SEC31B: variants seen among roughly 807,000 people sequenced by gnomAD.
SEC31B encodes the protein SEC31 homolog B, COPII component.
A neutral mutation model predicts 135.0 loss-of-function variants in SEC31B; 113 were observed. The observed-to-expected ratio is 0.84, with a 90% CI of 0.72 to 0.98. The LOEUF is 0.98. SEC31B is among the 50% of genes least tolerant of loss of function. The pLI is 0.00. For missense variants in SEC31B, 1,296 were observed against 1,421.1 expected, an observed-to-expected ratio of 0.91 and a Z score of 1.42; for synonymous variants, 508 against 549.4, an observed-to-expected ratio of 0.92 and a Z score of 1.05.
intron 17 of SEC31B, among the ~76,000 whole-genome samples, chr10:100,496,800 G>T (rs1291487652): frequency 6.6e-6 from 1 of 152,148 alleles, no homozygotes; most frequent in Admixed American, 6.5e-5. Context: ...ACTTTCTGTG[G>T]TCACCCACAG....
Position 100,509,047 on chromosome 10 carries a change from T to C in SEC31B, c.455A>G (p.Asn152Ser), listed in dbSNP as rs573384679. The C allele has an allele frequency of 1.9e-6, 3 of 1,614,162 alleles. No homozygotes were observed. Among genetic ancestry groups the C allele is most frequent in the Non-Finnish European group, 2.5e-6 (3 of 1,180,030 alleles). The change falls in exon 5 of 26, where the codon AAT becomes AGT. Residue 152 changes from asparagine to serine, a missense_variant. By Grantham distance (46) the Asn-to-Ser change is conservative. Transcript: ENST00000370345. Reference sequence around the variant, plus strand: ...CAGGGTCATTGGCACATTCAAGTTATTCAGATCCCAAATGAAGATTTCAGA... The same window carrying C: ...CAGGGTCATTGGCACATTCAAGTTACTCAGATCCCAAATGAAGATTTCAGA... ...SDSEIFIWDL[N>S]NLNVPMTLGS...
chr10:100,512,210 A>G (rs892487559), intron 3 of SEC31B, among the ~76,000 whole-genome samples: 1 of 152,194 alleles, frequency 6.6e-6, no homozygotes, highest in Non-Finnish European at 1.5e-5. Context: ...TACTTTCTCC[A>G]TGTTACTTGA....
intron 1 of SEC31B, among the ~76,000 whole-genome samples, chr10:100,519,074 C>A (rs1478554700): frequency 6.6e-6 from 1 of 152,146 alleles, no homozygotes; most frequent in Non-Finnish European, 1.5e-5. Flanking sequence ...TATGATTATC[C>A]CCATTTTCTA....
At chr10:100,487,833 C>T (rs772215922) in intron 25 of SEC31B, 38 bp from the exon 26 acceptor site, 1 of 1,609,162 alleles carries the variant, frequency 6.2e-7, no homozygotes, top group South Asian at 1.1e-5. Context: ...TGAGCCCAAC[C>T]CAGCTCCTAC....
In SEC31B at chr10:100,516,913, A is replaced by G; in HGVS notation, c.40T>C (p.Trp14Arg). 2 of 1,614,128 alleles carry G rather than the reference A, an allele frequency of 1.2e-6. No homozygotes were observed. Among genetic ancestry groups the G allele is most frequent in the Non-Finnish European group, 1.7e-6 (2 of 1,180,008 alleles). The change falls in exon 2 of 26, where the codon TGG becomes CGG. Residue 14 changes from tryptophan to arginine, a missense_variant. Transcript: ENST00000370345. ...AAAGGGTATTGGCTGGCTGGGCTCC[A>G]TGCCTGGACAGCTGGCCGCTCAAGT... Reference protein sequence around the residue: ...KELERPAVQAWSPASQYPLYL... With the variant: ...KELERPAVQARSPASQYPLYL...
At chr10:100,507,866 GA>G in intron 6 of SEC31B, 41 bp downstream of exon 6, 1 of 1,613,612 alleles carries the variant, frequency 6.2e-7, no homozygotes, top group Non-Finnish European at 8.5e-7. Context: ...GCAGGAGAGA[GA>G]AGCCAGAGCC....
rs924784982 is a variant in SEC31B at position 100,519,778 on chromosome 10, C to T, written c.-46+4G>A. The T allele has an allele frequency of 1.3e-5, 2 of 152,284 alleles. No individual in the cohort carries two copies. The highest frequency in any genetic ancestry group is 2.9e-5 in the Non-Finnish European group (2 of 68,094). 9.4% of individuals were successfully genotyped at this position (152,284 alleles called of 1,614,324 possible). A position where few individuals can be genotyped will look rare whatever the true frequency, so the allele number is the denominator to read the frequency against. On this transcript the variant is annotated splice_donor_region_variant and intron_variant, in intron 1 of 25. Transcript: ENST00000370345. ...GGGACCCCAGACCGGCGGGGCGAAC[C>T]AACCTGTGCGGAAGACCCCGGACAA...
In SEC31B at chr10:100,509,115, A is replaced by G. The variant is rs757675702; in HGVS notation, c.400-13T>C. The G allele has an allele frequency of 4.3e-6, 7 of 1,612,502 alleles. No individual in the cohort carries two copies. In the South Asian group the frequency reaches 7.7e-5, roughly 18 times the overall value. On this transcript the variant is annotated splice_polypyrimidine_tract_variant and intron_variant, in intron 4 of 25. Coordinates refer to ENST00000370345, the MANE Select transcript of SEC31B (RefSeq NM_015490.4). ...CCAGGAGGTTGCCCTGTATGAATAA[A>G]AAGTGTTTGGAGACATACCACCCTA...
chr10:100,502,517 T>C (rs1851543106), intron 10 of SEC31B, 33 bp from the exon 11 acceptor site: 7 of 1,442,306 alleles, frequency 4.9e-6, no homozygotes, highest in Non-Finnish European at 6.7e-6. Flanking sequence ...GTAAAGGTTA[T>C]ACCTTCAAGT....
At position 100,490,891 on chromosome 10, in the gene SEC31B, G is replaced by T; in HGVS notation, c.2473-8C>A. 1 of 1,413,290 alleles carries T rather than the reference G, an allele frequency of 7.1e-7. No individual in the cohort carries two copies. The highest frequency in any genetic ancestry group is 1.8e-5 in the South Asian group (1 of 54,754). 87.5% of individuals were successfully genotyped at this position (1,413,290 alleles called of 1,614,324 possible). ...TGGAGATGGAGTTGGGACCTATGAA[G>T]AGAAAAAAACATCAGCTCTTGGAAA... is the stretch of plus-strand genomic sequence containing the variant. On this transcript the variant is annotated splice_polypyrimidine_tract_variant and splice_region_variant and intron_variant, in intron 19 of 25. Coordinates refer to ENST00000370345, the MANE Select transcript of SEC31B (RefSeq NM_015490.4).
At chr10:100,499,466 G>A (rs1851475392) in intron 12 of SEC31B, 58 bp downstream of exon 12, 2 of 1,415,908 alleles carry the variant, frequency 1.4e-6, no homozygotes, top group Admixed American at 1.8e-5. Context: ...GTTTACTCTG[G>A]CAACATTCTC....
chr10:100,497,657 C>T lies in SEC31B; in HGVS notation c.1990+10G>A. ...CACCATTTCATCCTGAAGCCTGGGA[C>T]CACACTTACCACAGAGCTCGGGAAA... On this transcript the variant is annotated intron_variant, in intron 16 of 25. Transcript: ENST00000370345. The T allele has an allele frequency of 6.2e-7, 1 of 1,614,166 alleles. No homozygotes were observed.
At chr10:100,508,713 A>C (rs1220462619) in intron 5 of SEC31B, 1 of 473,262 alleles carries the variant, frequency 2.1e-6, no homozygotes, top group East Asian at 4.3e-5. Flanking sequence ...CTACTGTGAT[A>C]AACAGCACTC....
intron 10 of SEC31B, among the ~76,000 whole-genome samples, chr10:100,503,600 A>G (rs1851568133): frequency 6.6e-6 from 1 of 151,698 alleles, no homozygotes; most frequent in Non-Finnish European, 1.5e-5. Context: ...CGCCCGGCTA[A>G]TTTTGTATTT....
chr10:100,516,977 A>C lies in SEC31B; in HGVS notation c.-25T>G, dbSNP rs762643599. ...TGGTCTATCCTGTAGGTGGCAGAAA[A>C]CTGACATGGCCCTCAGCCCACTGAA... On this transcript the variant is annotated 5_prime_UTR_variant, in exon 2 of 26. Transcript: ENST00000370345. 3.3e-5 allele frequency: 53 copies of C among 1,585,302 alleles called. No individual in the cohort carries two copies. The highest frequency in any genetic ancestry group is 9.5e-6 in the Non-Finnish European group (11 of 1,153,938).
At chr10:100,494,472 T>A (rs1467861470) in intron 19 of SEC31B, among the ~76,000 whole-genome samples, 2 of 152,154 alleles carry the variant, frequency 1.3e-5, no homozygotes, top group African/African-American at 2.4e-5. Flanking sequence ...GAATGCTAGG[T>A]CCTTAGTGAT....
chr10:100,505,263 A>T, intron 10 of SEC31B, 98 bp downstream of exon 10: 1 of 1,491,808 alleles, frequency 6.7e-7, no homozygotes, highest in Non-Finnish European at 9.0e-7. Context: ...CTGCTACAAA[A>T]CTTAGCTCCA....
chr10:100,505,762 T>C, intron 9 of SEC31B: 2 of 1,414,902 alleles, frequency 1.4e-6, no homozygotes, highest in Non-Finnish European at 1.8e-6. Flanking sequence ...ATAAGAGTCA[T>C]ACTCTTGAAA....
At position 100,486,912 on chromosome 10, in the gene SEC31B, T is replaced by C. The variant is rs960952558; in HGVS notation, c.*704A>G. On this transcript the variant is annotated 3_prime_UTR_variant, in exon 26 of 26. Transcript: ENST00000370345. Reference sequence around the variant, plus strand: ...GAGTCAAGGGCAGTTCCCCATAGGCTGTGGTTCCCCTGCTCCTGTCTCACA... The same window carrying C: ...GAGTCAAGGGCAGTTCCCCATAGGCCGTGGTTCCCCTGCTCCTGTCTCACA... 1 of 152,382 alleles carries C rather than the reference T, an allele frequency of 6.6e-6. No individual in the cohort carries two copies. Among genetic ancestry groups the C allele is most frequent in the African/African-American group, 2.4e-5 (1 of 41,466 alleles). 9.4% of individuals were successfully genotyped at this position (152,382 alleles called of 1,614,324 possible).
Sources: allele counts gnomAD v4.1 joint callset (sites outside exome capture counted in the v4.1 genomes callset), GRCh38; gene constraint gnomAD v4.1.1; transcripts MANE v1.5; gene names NCBI Gene and HGNC (gene_info 2026-07-23, HGNC 2026-07-21).